Variants in NYAP2 observed in about 807,000 individuals in gnomAD.
NYAP2 encodes the protein neuronal tyrosine-phosphorylated phosphoinositide-3-kinase adaptor 2.
A neutral mutation model predicts 50.4 loss-of-function variants in NYAP2; 23 were observed. The ratio of observed to expected loss-of-function variants is 0.46; its 90% confidence interval spans 0.33 to 0.65. The LOEUF (loss-of-function observed/expected upper bound fraction) is 0.65, where lower values mean the gene tolerates loss of function less well. Ranked by LOEUF, NYAP2 falls within the 30% of genes least tolerant of loss-of-function variation. The probability of loss-of-function intolerance (pLI) is 0.02; values close to 1 mark genes in which losing one functional copy is unlikely to be tolerated. For synonymous variants in NYAP2, 394 were observed against 365.2 expected (o/e 1.08, Z -0.90); for missense variants, 885 against 861.0 (o/e 1.03, Z -0.35).
At chr2:225,484,027 T>C (rs769491681) in intron 3 of NYAP2, among the ~76,000 whole-genome samples, 6 of 152,240 alleles carry the variant, frequency 3.9e-5, no homozygotes, top group Non-Finnish European at 7.3e-5. Flanking sequence ...TTTGAGGGTC[T>C]TGGGTATTTC....
At chr2:225,408,246 T>C (rs1246079385) in intron 2 of NYAP2, among the ~76,000 whole-genome samples, 2 of 152,006 alleles carry the variant, frequency 1.3e-5, no homozygotes, top group Non-Finnish European at 2.9e-5. Context: ...GATATGTTAG[T>C]TGTAGTATGA....
intron 4 of NYAP2, among the ~76,000 whole-genome samples, chr2:225,574,957 A>G (rs2106224383): frequency 6.6e-6 from 1 of 152,270 alleles, no homozygotes; most frequent in East Asian, 1.9e-4. Context: ...AAAAGTCTTC[A>G]TGGCAAACAC....
At chr2:225,438,965 A>G (rs1243643188) in intron 3 of NYAP2, among the ~76,000 whole-genome samples, 1 of 152,206 alleles carries the variant, frequency 6.6e-6, no homozygotes, top group Non-Finnish European at 1.5e-5. Flanking sequence ...CTAAAGGAGA[A>G]TGTTCCGGGT....
At chr2:225,400,993 A>G (rs1214279558) in exon 2 of NYAP2, 1 of 60,378 alleles carries the variant, frequency 1.7e-5, no homozygotes, top group Non-Finnish European at 4.1e-5. Context: ...TGACAGACAC[A>G]AGTCACCTTC....
intron 4 of NYAP2, among the ~76,000 whole-genome samples, chr2:225,565,326 G>A (rs568764078): frequency 1.3e-4 from 19 of 151,860 alleles, no homozygotes; most frequent in Non-Finnish European, 2.6e-4. Context: ...AAAAGTTCCA[G>A]TAACTACATA....
intron 3 of NYAP2, among the ~76,000 whole-genome samples, chr2:225,467,458 C>T (rs1195006338): frequency 6.6e-6 from 1 of 152,086 alleles, no homozygotes; most frequent in Non-Finnish European, 1.5e-5. Flanking sequence ...TGGTTGATGC[C>T]TCTCCTGCCC....
Position 225,518,328 on chromosome 2 carries a change from G to C in NYAP2, c.523+4656G>C, listed in dbSNP as rs548142265. Among the ~76,000 whole-genome samples, 11 of 151,462 alleles carry C rather than the reference G, an allele frequency of 7.3e-5. No homozygotes were observed. In the South Asian group the frequency reaches 2.3e-3, roughly 32 times the overall value. ...GTTAATCCTGTAGAAGTAAAGAGTA[G>C]CCTGGTGATCACCAGGGGCTAGGGC... On this transcript the variant is annotated intron_variant, in intron 4 of 6. Coordinates refer to ENST00000636099, the Ensembl canonical transcript of NYAP2.
chr2:225,486,064 C>A (rs1215043116), intron 3 of NYAP2, among the ~76,000 whole-genome samples: 2 of 152,152 alleles, frequency 1.3e-5, no homozygotes. Context: ...TAGCACCCTG[C>A]GGAATTCCCT....
At chr2:225,642,888 A>G (rs1693557131) in intron 6 of NYAP2, among the ~76,000 whole-genome samples, 1 of 152,174 alleles carries the variant, frequency 6.6e-6, no homozygotes, top group Non-Finnish European at 1.5e-5. Flanking sequence ...GGGTGTTTAA[A>G]AACTATTTAC....
At chr2:225,600,847 G>A (rs1574702714) in intron 5 of NYAP2, among the ~76,000 whole-genome samples, 1 of 152,308 alleles carries the variant, frequency 6.6e-6, no homozygotes, top group East Asian at 1.9e-4. Flanking sequence ...ATTTCACTTA[G>A]CATGTCCTCA....
chr2:225,639,245 A>G (rs186449293), intron 6 of NYAP2, among the ~76,000 whole-genome samples: 1 of 152,336 alleles, frequency 6.6e-6, no homozygotes, highest in Non-Finnish European at 1.5e-5. Flanking sequence ...TAAAGAGAAC[A>G]GACTCTGGTA....
chr2:225,495,794 C>G (rs1690493993), intron 3 of NYAP2, among the ~76,000 whole-genome samples: 1 of 152,158 alleles, frequency 6.6e-6, no homozygotes, highest in South Asian at 2.1e-4. Flanking sequence ...AGGATTTGAA[C>G]AAAGGAATGT....
At chr2:225,542,339 A>G (rs1229007839) in intron 4 of NYAP2, among the ~76,000 whole-genome samples, 1 of 152,094 alleles carries the variant, frequency 6.6e-6, no homozygotes, top group African/African-American at 2.4e-5. Context: ...CCACCTTGTC[A>G]TGTTCCAGAT....
intron 5 of NYAP2, among the ~76,000 whole-genome samples, chr2:225,614,357 TG>T (rs1369083524): frequency 6.6e-6 from 1 of 152,222 alleles, no homozygotes. Flanking sequence ...CTATTTTGAA[TG>T]AAAAACTATT....
the NYAP2 span, among the ~76,000 whole-genome samples, chr2:225,671,014 T>C: frequency 1.4e-4 from 21 of 152,248 alleles, no homozygotes; most frequent in Admixed American, 3.9e-4. Flanking sequence ...CAGTAGAAGG[T>C]CTTTCCTCAG....
At chr2:225,587,011 C>G (rs1486982625) in intron 5 of NYAP2, among the ~76,000 whole-genome samples, 1 of 152,106 alleles carries the variant, frequency 6.6e-6, no homozygotes, top group Non-Finnish European at 1.5e-5. Context: ...CACATGGTGG[C>G]AGGAAAGAGA....
intron 3 of NYAP2, among the ~76,000 whole-genome samples, chr2:225,492,459 G>A (rs1349429103): frequency 6.6e-6 from 1 of 152,166 alleles, no homozygotes; most frequent in Admixed American, 6.5e-5. Context: ...CAAAACAGGG[G>A]CATGGTAATA....
chr2:225,498,353 T>G lies in NYAP2; in HGVS notation c.222-15018T>G, dbSNP rs150456132. 6.1e-3 allele frequency among the ~76,000 whole-genome samples: 923 copies of G among 150,662 alleles called. 4 individuals carry two copies. Among genetic ancestry groups the G allele is most frequent in the Middle Eastern group, 0.014 (4 of 290 alleles). On this transcript the variant is annotated intron_variant, in intron 3 of 6. Transcript: ENST00000636099. ...GTTTAGGCCCTGAATAACTTGAGAT[T>G]TTTTTTTTCCTCAAATAGAGATGTA...
the NYAP2 span, among the ~76,000 whole-genome samples, chr2:225,685,538 T>C: frequency 6.6e-6 from 1 of 152,188 alleles, no homozygotes; most frequent in Non-Finnish European, 1.5e-5. Context: ...ACAATTAGCT[T>C]AATCAATTAA....
Sources: gnomAD v4.1 joint callset for allele counts (sites outside exome capture counted in the v4.1 genomes callset) on GRCh38, gnomAD v4.1.1 for gene constraint, MANE v1.5 for transcripts, NCBI Gene and HGNC (gene_info 2026-07-23, HGNC 2026-07-21) for gene names.